The following TMEM45B variants were observed in gnomAD, a reference collection of about 807,000 sequenced individuals.
TMEM45B encodes the protein transmembrane protein 45B.
Under a neutral mutation model 27.3 loss-of-function variants are expected in TMEM45B, and 29 were observed. The ratio of observed to expected loss-of-function variants is 1.06; its 90% confidence interval spans 0.79 to 1.45. The LOEUF (loss-of-function observed/expected upper bound fraction) is 1.45, where lower values mean the gene tolerates loss of function less well. TMEM45B is among the 40% of genes most tolerant of loss of function. The pLI is 0.00. For synonymous variants in TMEM45B, 143 were observed against 134.7 expected, an observed-to-expected ratio of 1.06 and a Z score of -0.43; for missense variants, 348 against 343.9, an observed-to-expected ratio of 1.01 and a Z score of -0.09.
At chr11:129,837,452 AT>A (rs1947634702) in intron 1 of TMEM45B, among the ~76,000 whole-genome samples, 1 of 151,194 alleles carries the variant, frequency 6.6e-6, no homozygotes, top group Admixed American at 6.6e-5. Context: ...TGCCCGGCTA[AT>A]TTTTGTATTT....
At chr11:129,855,145 G>A (rs986362306) in intron 3 of TMEM45B, among the ~76,000 whole-genome samples, 4 of 152,102 alleles carry the variant, frequency 2.6e-5, no homozygotes, top group Admixed American at 1.3e-4. Flanking sequence ...ACGTATGTGC[G>A]CACATACACA....
intron 1 of TMEM45B, among the ~76,000 whole-genome samples, chr11:129,849,645 C>T (rs1405477620): frequency 1.3e-5 from 2 of 152,190 alleles, no homozygotes; most frequent in African/African-American, 2.4e-5. Flanking sequence ...CACATGGATG[C>T]CACCAAGATT....
chr11:129,857,618 T>A lies in TMEM45B; in HGVS notation c.716+160T>A. 4 of 801,052 alleles carry A rather than the reference T, an allele frequency of 5.0e-6. No homozygotes were observed. The South Asian group carries it at 7.8e-5, about 16-fold the overall frequency. The allele number at this position is 801,052 out of a possible 1,614,324, so 49.6% of individuals were successfully genotyped here. On this transcript the variant is annotated intron_variant, in intron 5 of 5. Transcript: ENST00000281441. ...TACCCTTATTTGCAAACAAGGGGAA[T>A]GAGGCTTTTCAAAGTTTAATGACCT...
chr11:129,830,715 A>G (rs1337686101), intron 1 of TMEM45B, among the ~76,000 whole-genome samples: 6 of 152,256 alleles, frequency 3.9e-5, no homozygotes, highest in African/African-American at 1.2e-4. Flanking sequence ...AAAGATGCTC[A>G]ACATCACTAA....
At chr11:129,834,813 CAAAAA>C (rs56304121) in intron 1 of TMEM45B, among the ~76,000 whole-genome samples, 19 of 132,164 alleles carry the variant, frequency 1.4e-4, no homozygotes, top group Non-Finnish European at 2.0e-4. Context: ...TCCATCTCCA[CAAAAA>C]AAAAAAAAAA....
intron 1 of TMEM45B, among the ~76,000 whole-genome samples, 200 bp downstream of exon 1, chr11:129,816,098 C>T (rs903462574): frequency 6.6e-6 from 1 of 152,128 alleles, no homozygotes; most frequent in Non-Finnish European, 1.5e-5. Flanking sequence ...ATGGAGGGCC[C>T]TGGTGTCGCG....
chr11:129,855,959 G>T, intron 4 of TMEM45B, 67 bp downstream of exon 4: 1 of 1,569,994 alleles, frequency 6.4e-7, no homozygotes, highest in Non-Finnish European at 8.7e-7. Flanking sequence ...GCATCCCAGA[G>T]AAATCCCTGA....
intron 1 of TMEM45B, among the ~76,000 whole-genome samples, chr11:129,847,888 T>C (rs987186030): frequency 2.0e-5 from 3 of 152,080 alleles, no homozygotes; most frequent in Non-Finnish European, 4.4e-5. Context: ...CCGTTCTCAA[T>C]GAGCTGTTGG....
chr11:129,822,172 C>T (rs893332035), intron 1 of TMEM45B, among the ~76,000 whole-genome samples: 6 of 152,062 alleles, frequency 3.9e-5, no homozygotes, highest in Admixed American at 1.3e-4. Flanking sequence ...CTTTTATTGG[C>T]GAGAGGTGTG....
intron 3 of TMEM45B, among the ~76,000 whole-genome samples, chr11:129,855,223 C>T (rs1229386365): frequency 1.3e-5 from 2 of 152,132 alleles, no homozygotes; most frequent in African/African-American, 2.4e-5. Context: ...TTTGGTTAAG[C>T]GAAACCACAC....
intron 1 of TMEM45B, among the ~76,000 whole-genome samples, chr11:129,829,570 T>C (rs1273220635): frequency 1.3e-5 from 2 of 152,208 alleles, no homozygotes; most frequent in African/African-American, 4.8e-5. Context: ...ACTCCCACCA[T>C]ATGGATGATT....
intron 1 of TMEM45B, among the ~76,000 whole-genome samples, chr11:129,851,851 A>G (rs995503796): frequency 6.6e-6 from 1 of 152,218 alleles, no homozygotes; most frequent in Admixed American, 6.5e-5. Flanking sequence ...GACCAGGTTC[A>G]TTTGTACTAG....
intron 1 of TMEM45B, among the ~76,000 whole-genome samples, chr11:129,835,617 G>A (rs919736910): frequency 2.6e-5 from 4 of 152,324 alleles, no homozygotes; most frequent in Middle Eastern, 3.4e-3. Flanking sequence ...CTGCCAGGCT[G>A]CTACTGCCAC....
At chr11:129,819,221 G>A (rs892665595) in intron 1 of TMEM45B, among the ~76,000 whole-genome samples, 1 of 152,186 alleles carries the variant, frequency 6.6e-6, no homozygotes, top group Non-Finnish European at 1.5e-5. Context: ...ATAAAATGTG[G>A]TATGTCAGAT....
chr11:129,835,309 A>AT (rs1947606993), intron 1 of TMEM45B, among the ~76,000 whole-genome samples: 1 of 152,220 alleles, frequency 6.6e-6, no homozygotes, highest in Admixed American at 6.5e-5. Context: ...ATGCATGGAT[A>AT]CAGTCAACCA....
chr11:129,850,005 A>C (rs536393), intron 1 of TMEM45B, among the ~76,000 whole-genome samples: 1 of 151,922 alleles, frequency 6.6e-6, no homozygotes, highest in African/African-American at 2.4e-5. Context: ...CCTGCTTATC[A>C]GTCCTGTGGC....
chr11:129,857,079 C>G (rs2135613644), intron 4 of TMEM45B, among the ~76,000 whole-genome samples: 1 of 152,106 alleles, frequency 6.6e-6, no homozygotes, highest in Admixed American at 6.5e-5. Context: ...GTCTTGAACT[C>G]CTAACCTTGT....
At chr11:129,856,597 T>A (rs1947929951) in intron 4 of TMEM45B, among the ~76,000 whole-genome samples, 2 of 140,702 alleles carry the variant, frequency 1.4e-5, no homozygotes, top group Admixed American at 7.4e-5. Flanking sequence ...TCTCGCTTTG[T>A]CGCCCAGGCT....
chr11:129,846,965 G>A (rs1185415900), intron 1 of TMEM45B, among the ~76,000 whole-genome samples: 1 of 152,210 alleles, frequency 6.6e-6, no homozygotes, highest in Non-Finnish European at 1.5e-5. Flanking sequence ...AAATCAAAGA[G>A]ATGGCTCAGG....
Sources: allele counts gnomAD v4.1 joint callset (sites outside exome capture counted in the v4.1 genomes callset), GRCh38; gene constraint gnomAD v4.1.1; transcripts MANE v1.5; gene names NCBI Gene and HGNC (gene_info 2026-07-23, HGNC 2026-07-21).